Variants in BPIFC observed in about 807,000 individuals in gnomAD.
The protein encoded by BPIFC is BPI fold-containing family C protein.
Under a neutral mutation model 57.6 loss-of-function variants are expected in BPIFC, and 60 were observed. That is an observed-to-expected ratio of 1.04 (90% CI 0.85 to 1.29). BPIFC has a LOEUF of 1.29. Among genes scored for constraint, BPIFC ranks in the 50% most tolerant of loss-of-function variants. BPIFC has a pLI of 0.00. For synonymous variants in BPIFC, 243 were observed against 224.5 expected (o/e 1.08, Z -0.74); for missense variants, 581 against 600.5 (o/e 0.97, Z 0.34).
chr22:32,436,976 CAT>C (rs1934423117), intron 9 of BPIFC, among the ~76,000 whole-genome samples: 1 of 152,172 alleles, frequency 6.6e-6, no homozygotes, highest in African/African-American at 2.4e-5. Flanking sequence ...CAAAATGAAA[CAT>C]AACCACAATG....
At chr22:32,446,908 T>A in intron 5 of BPIFC, 1 of 680,704 alleles carries the variant, frequency 1.5e-6, no homozygotes, top group Non-Finnish European at 1.8e-6. Context: ...TGCAGTGATT[T>A]GTGGGTGATC....
In BPIFC at chr22:32,435,720, G is replaced by A. The variant is rs566634560; in HGVS notation, c.908C>T (p.Thr303Ile). 10 of 1,613,852 alleles carry A rather than the reference G, an allele frequency of 6.2e-6. No homozygotes were observed. In the South Asian group the frequency reaches 9.9e-5, roughly 16 times the overall value. Reference sequence around the variant, plus strand: ...TCTCCTCACCTCTTCGGTGGAGAGAGTGACATTGAAAACCCCAGCTGTGAA... The same window carrying A: ...TCTCCTCACCTCTTCGGTGGAGAGAATGACATTGAAAACCCCAGCTGTGAA... ...AHFTAGVFNV[T>I]LSTEEISNHF... Residue 303 changes from threonine to isoleucine, a missense_variant, in exon 10 of 17, where the codon ACT (threonine) becomes ATT (isoleucine). Physicochemically the swap from Thr to Ile is moderately conservative, Grantham distance 89 (BLOSUM62 -1). Transcript: ENST00000300399.
chr22:32,456,401 CTCCT>C (rs1935038209), intron 3 of BPIFC, among the ~76,000 whole-genome samples: 1 of 151,352 alleles, frequency 6.6e-6, no homozygotes, highest in Admixed American at 6.6e-5. Flanking sequence ...CCCTCCCTCC[CTCCT>C]TCCCTCCCTC....
intron 7 of BPIFC, among the ~76,000 whole-genome samples, chr22:32,444,405 A>T (rs958366428): frequency 9.9e-5 from 15 of 152,040 alleles, no homozygotes; most frequent in Non-Finnish European, 1.9e-4. Context: ...AGCACCTATA[A>T]TGTCTGTCAA....
At chr22:32,415,861 T>C in intron 16 of BPIFC, 54 bp downstream of exon 16, 1 of 1,269,748 alleles carries the variant, frequency 7.9e-7, no homozygotes, top group Non-Finnish European at 1.1e-6. Context: ...GGAGGAGGCT[T>C]AGTCTACTAT....
At chr22:32,460,978 A>G (rs569326946) in intron 2 of BPIFC, among the ~76,000 whole-genome samples, 1 of 152,340 alleles carries the variant, frequency 6.6e-6, no homozygotes, top group South Asian at 2.1e-4. Flanking sequence ...ATCATGTATT[A>G]CACTTCTTTA....
At chr22:32,429,536 T>TC (rs1270229644) in intron 13 of BPIFC, among the ~76,000 whole-genome samples, 3 of 125,286 alleles carry the variant, frequency 2.4e-5, no homozygotes, top group African/African-American at 9.1e-5. Flanking sequence ...TTTTTTTTTT[T>TC]CATGAAGTCC....
At chr22:32,433,905 ACCTATCATTTT>A in intron 10 of BPIFC, 133 bp from the exon 11 acceptor site, 1 of 791,300 alleles carries the variant, frequency 1.3e-6, no homozygotes, top group South Asian at 1.6e-5. Flanking sequence ...TTTAAAGGTG[ACCTATCATTTT>A]ATAGCCCAAT....
intron 13 of BPIFC, among the ~76,000 whole-genome samples, chr22:32,422,372 C>T (rs2145914205): frequency 6.6e-6 from 1 of 152,236 alleles, no homozygotes; most frequent in African/African-American, 2.4e-5. Context: ...GGTGCTTCTT[C>T]ATGGGTTTAC....
At chr22:32,438,165 C>G (rs1934463426) in intron 8 of BPIFC, among the ~76,000 whole-genome samples, 1 of 152,114 alleles carries the variant, frequency 6.6e-6, no homozygotes, top group Non-Finnish European at 1.5e-5. Flanking sequence ...GTGGACAGTA[C>G]CAACCCCTAC....
Position 32,424,741 on chromosome 22 carries a change from CTCTTCTTCT to C in BPIFC, c.1218-5346_1218-5338del, listed in dbSNP as rs1180971978. Among the ~76,000 whole-genome samples the C allele has an allele frequency of 4.1e-4, 18 of 44,318 alleles. 3 individuals are homozygous for C. Among genetic ancestry groups the C allele is most frequent in the Non-Finnish European group, 6.9e-4 (16 of 23,144 alleles). 29.1% of individuals were successfully genotyped at this position (44,318 alleles called of 152,430 possible). A position where few individuals can be genotyped will look rare whatever the true frequency, so the allele number is the denominator to read the frequency against. The stretch of plus-strand genomic sequence containing the variant: ...CCTCTTCTTCTTCCTCTTCTTCTTC[CTCTTCTTCT>C]TCCTCTTCTTCTTCTTCTTCTTCTT... On this transcript the variant is annotated intron_variant, in intron 13 of 16. Transcript: ENST00000300399.
rs780804885 is a variant in BPIFC at position 32,457,313 on chromosome 22, G to A, written c.74C>T (p.Thr25Ile). ...LWNLYVSSSQTIYPGIKARIT... is the reference protein window; with the variant it reads ...LWNLYVSSSQIIYPGIKARIT... ...CCTTGCCTTGATTCCAGGGTAAATGGTCTGAGAGGATGAGACATAGAGATT... is the reference window on the plus strand; with the variant it reads ...CCTTGCCTTGATTCCAGGGTAAATGATCTGAGAGGATGAGACATAGAGATT... The change falls in exon 3 of 17, where the codon ACC becomes ATC. Residue 25 changes from threonine to isoleucine, a missense_variant. Thr to Ile is a moderately conservative substitution (Grantham distance 89). Coordinates refer to ENST00000300399, the MANE Select transcript of BPIFC (RefSeq NM_174932.3). The A allele has an allele frequency of 1.2e-6, 2 of 1,610,158 alleles. No homozygotes were observed. Among genetic ancestry groups the A allele is most frequent in the Non-Finnish European group, 1.7e-6 (2 of 1,178,994 alleles).
chr22:32,433,556 G>A (rs1001332631), intron 11 of BPIFC, among the ~76,000 whole-genome samples, 163 bp downstream of exon 11: 18 of 152,184 alleles, frequency 1.2e-4, no homozygotes, highest in African/African-American at 3.4e-4. Flanking sequence ...ACTTTAAACT[G>A]TACTGTTCAG....
chr22:32,431,565 C>T, intron 12 of BPIFC, 151 bp from the exon 13 acceptor site: 1 of 566,794 alleles, frequency 1.8e-6, no homozygotes, highest in Non-Finnish European at 3.1e-6. Flanking sequence ...ATACAGACCT[C>T]TGAAAATCCT....
intron 13 of BPIFC, among the ~76,000 whole-genome samples, chr22:32,427,904 T>C (rs1934112999): frequency 6.6e-6 from 1 of 152,198 alleles, no homozygotes; most frequent in Non-Finnish European, 1.5e-5. Context: ...GGAGAATCAC[T>C]TGAACCTGGG....
Position 32,435,128 on chromosome 22 carries a change from T to C in BPIFC, c.924+576A>G, listed in dbSNP as rs188470695. On this transcript the variant is annotated intron_variant, in intron 10 of 16. Transcript: ENST00000300399. The stretch of plus-strand genomic sequence containing the variant: ...AGTAAGGAACTATTATTATCTGCCT[T>C]TTCCAGATGAAGAAATTCTGGCCCA... Among the ~76,000 whole-genome samples, 264 of 152,340 alleles carry C rather than the reference T, an allele frequency of 1.7e-3. 3 individuals are homozygous for C. Among genetic ancestry groups the C allele is most frequent in the Non-Finnish European group, 1.7e-3 (118 of 68,030 alleles).
intron 7 of BPIFC, among the ~76,000 whole-genome samples, chr22:32,443,005 T>C (rs943694299): frequency 6.6e-6 from 1 of 152,178 alleles, no homozygotes; most frequent in Non-Finnish European, 1.5e-5. Context: ...CGTTTCTTTC[T>C]GTGACATGAT....
At chr22:32,431,442 A>ATTTATTTATTTTTTTTTTTTTTTTTTTG in intron 12 of BPIFC, 28 bp from the exon 13 acceptor site, 5 of 1,217,730 alleles carry the variant, frequency 4.1e-6, no homozygotes, top group Non-Finnish European at 5.9e-6. Flanking sequence ...ATTTATTATT[A>ATTTATTTATTTTTTTTTTTTTTTTTTTG]AGACGAGTGA....
chr22:32,422,758 TTGTGTGTGTGTATG>T (rs1266547573), intron 13 of BPIFC, among the ~76,000 whole-genome samples: 2 of 150,316 alleles, frequency 1.3e-5, no homozygotes, highest in Non-Finnish European at 3.0e-5. Flanking sequence ...TAGGCTAGAG[TTGTGTGTGTGTATG>T]TGTGTGTGTG....
Sources: allele counts gnomAD v4.1 joint callset (sites outside exome capture counted in the v4.1 genomes callset), GRCh38; gene constraint gnomAD v4.1.1; transcripts MANE v1.5; gene names NCBI Gene and HGNC (gene_info 2026-07-23, HGNC 2026-07-21).